ZFHX3: variants seen among roughly 807,000 people sequenced by gnomAD.
The protein encoded by ZFHX3 is zinc finger homeobox 3, also known as zinc finger homeobox protein 3.
Under a neutral mutation model 279.1 loss-of-function variants are expected in ZFHX3, and 42 were observed. The ratio of observed to expected loss-of-function variants is 0.15; its 90% CI spans 0.12 to 0.19. The LOEUF is 0.19. Among genes scored for constraint, ZFHX3 ranks in the 10% least tolerant of loss-of-function variants. The probability of loss-of-function intolerance (pLI) is 1.00; values close to 1 mark genes in which losing one functional copy is unlikely to be tolerated. For missense variants in ZFHX3, 4,981 were observed against 4,754.0 expected (o/e 1.05, Z -1.40); for synonymous variants, 2,293 against 1,957.8 (o/e 1.17, Z -4.52).
chr16:73,104,421 G>C (rs1216019082), intron 7 of ZFHX3, among the ~76,000 whole-genome samples: 1 of 152,082 alleles, frequency 6.6e-6, no homozygotes, highest in Non-Finnish European at 1.5e-5. Context: ...GGTAGAGACA[G>C]GGTTTCACCA....
rs753933468 is a variant in ZFHX3, at chr16:72,798,149, C to T, written c.4533G>A (p.Gly1511=). Residue 1511 remains glycine (G), a synonymous_variant, in exon 9 of 10, where the codon GGG becomes GGA. Coordinates refer to ENST00000268489, the MANE Select transcript of ZFHX3 (RefSeq NM_006885.4). ...CTGAGCCCGAGTCTTCTTGTACTGA[C>T]CCAGAGTCACTGCCCGTTGGGCTCT... ...DKQSPTGSDS[G]SVQEDSGSEP... is the part of the protein sequence containing the mutation. 5.0e-6 allele frequency: 8 copies of T among 1,614,084 alleles called. No homozygotes were observed. In the South Asian group the frequency reaches 6.6e-5, roughly 13 times the overall value.
intron 4 of ZFHX3, among the ~76,000 whole-genome samples, chr16:73,297,637 C>T (rs1377313594): frequency 6.6e-6 from 1 of 151,918 alleles, no homozygotes; most frequent in East Asian, 1.9e-4. Context: ...CCTGATACCT[C>T]ATGGACTTCT....
intron 2 of ZFHX3, among the ~76,000 whole-genome samples, chr16:73,519,555 T>C (rs1388997252): frequency 6.6e-6 from 1 of 152,158 alleles, no homozygotes; most frequent in Non-Finnish European, 1.5e-5. Context: ...TGGAATTTCT[T>C]TCCGTCCCAT....
rs562913696 is a variant in ZFHX3, at chr16:73,841,646, C to T, written c.-1608+50005G>A. On this transcript the variant is annotated intron_variant, in intron 1 of 17. Transcript: ENST00000641206. ...CTCCTCCCCAAGAGCTGAGATCCCT[C>T]CACCACCCATCCGGGAGCTCTCTTG... Among the ~76,000 whole-genome samples, 286 of 152,248 alleles carry T rather than the reference C, an allele frequency of 1.9e-3. 1 individual carries two copies. Among genetic ancestry groups the T allele is most frequent in the African/African-American group, 6.4e-3 (264 of 41,538 alleles).
At chr16:73,674,726 A>T (rs1401700132) in intron 2 of ZFHX3, among the ~76,000 whole-genome samples, 1 of 152,188 alleles carries the variant, frequency 6.6e-6, no homozygotes, top group Admixed American at 6.5e-5. Flanking sequence ...TCAGTCTCGA[A>T]AAGTGCTTAT....
chr16:73,286,750 T>C (rs1445949965), intron 4 of ZFHX3, among the ~76,000 whole-genome samples: 1 of 149,310 alleles, frequency 6.7e-6, no homozygotes, highest in African/African-American at 2.5e-5. Flanking sequence ...TGGGTTGGTG[T>C]GTGGCTAAGT....
In ZFHX3 at chr16:72,822,096, A is replaced by C. The variant is rs1035286376; in HGVS notation, c.3529+7683T>G. 2.6e-5 allele frequency: 4 copies of C among 152,358 alleles called. 1 individual carries two copies. 9.4% of individuals were successfully genotyped at this position (152,358 alleles called of 1,614,324 possible). ...CATGGATTTAATGTCTACAAAGCAG[A>C]AAGTAGAATAACTTGGACTTAAAGG... is the stretch of plus-strand genomic sequence containing the variant. On this transcript the variant is annotated intron_variant, in intron 5 of 9. Coordinates refer to ENST00000268489, the MANE Select transcript of ZFHX3 (RefSeq NM_006885.4).
At chr16:73,706,816 C>T (rs1241389905) in intron 1 of ZFHX3, among the ~76,000 whole-genome samples, 1 of 152,144 alleles carries the variant, frequency 6.6e-6, no homozygotes, top group Non-Finnish European at 1.5e-5. Context: ...CACCCAGAAC[C>T]CTGCTTCAAT....
At chr16:73,682,910 AAGAAAGAG>A (rs879630182) in intron 1 of ZFHX3, among the ~76,000 whole-genome samples, 25,227 of 59,880 alleles carry the variant, frequency 0.42, 5,264 homozygotes, top group East Asian at 0.72. Flanking sequence ...AAGAAAGAGA[AAGAAAGAG>A]AGAAAGAGAA....
intron 2 of ZFHX3, among the ~76,000 whole-genome samples, chr16:73,663,336 A>T (rs1449996651): frequency 6.6e-6 from 1 of 152,208 alleles, no homozygotes; most frequent in East Asian, 1.9e-4. Context: ...GCCCTTTAGC[A>T]GGTCACGATC....
At chr16:73,500,212 C>T (rs983922206) in intron 2 of ZFHX3, 1 of 152,264 alleles carries the variant, frequency 6.6e-6, no homozygotes, top group Non-Finnish European at 1.5e-5. Context: ...GAAGACCTTC[C>T]AGTGGGAGAA....
chr16:73,443,928 T>A (rs1567485938), intron 3 of ZFHX3, among the ~76,000 whole-genome samples: 1 of 152,052 alleles, frequency 6.6e-6, no homozygotes, highest in Non-Finnish European at 1.5e-5. Flanking sequence ...CTAATTTTTT[T>A]ATTTTCTTTA....
intron 3 of ZFHX3, among the ~76,000 whole-genome samples, chr16:73,357,011 C>G (rs182059462): frequency 2.1e-4 from 32 of 152,014 alleles, no homozygotes; most frequent in African/African-American, 7.2e-4. Context: ...AGTTACCCAG[C>G]AGAGCTCAGC....
chr16:73,789,095 T>C (rs1355440497), intron 1 of ZFHX3, among the ~76,000 whole-genome samples: 1 of 151,166 alleles, frequency 6.6e-6, no homozygotes, highest in Non-Finnish European at 1.5e-5. Context: ...AGACAACATA[T>C]ACAGATATCT....
chr16:73,597,840 CA>C (rs2052067579), intron 2 of ZFHX3, among the ~76,000 whole-genome samples: 1 of 152,212 alleles, frequency 6.6e-6, no homozygotes. Context: ...TGTAGTACAG[CA>C]AACCTGGGAA....
intron 4 of ZFHX3, among the ~76,000 whole-genome samples, chr16:73,280,085 G>C (rs1475365083): frequency 6.6e-6 from 1 of 152,124 alleles, no homozygotes; most frequent in Non-Finnish European, 1.5e-5. Flanking sequence ...GAATGAAATT[G>C]GACCCCTGTT....
intron 2 of ZFHX3, among the ~76,000 whole-genome samples, chr16:73,513,559 G>A (rs924808575): frequency 2.0e-5 from 3 of 152,120 alleles, no homozygotes; most frequent in African/African-American, 7.2e-5. Flanking sequence ...CCTCCCTCAA[G>A]GGCAGCCCAC....
chr16:72,998,392 C>A (rs954609497), intron 1 of ZFHX3, among the ~76,000 whole-genome samples: 5 of 152,122 alleles, frequency 3.3e-5, no homozygotes, highest in Non-Finnish European at 7.4e-5. Context: ...CAGACTGAGA[C>A]TCTGTCTCAA....
chr16:73,803,609 T>G (rs2063507), intron 1 of ZFHX3, among the ~76,000 whole-genome samples: 2 of 152,216 alleles, frequency 1.3e-5, no homozygotes, highest in South Asian at 4.1e-4. Flanking sequence ...TTGAATGTTA[T>G]GTTTGAAAAA....
Sources: allele counts gnomAD v4.1 joint callset (sites outside exome capture counted in the v4.1 genomes callset), GRCh38; gene constraint gnomAD v4.1.1; transcripts MANE v1.5; gene names NCBI Gene and HGNC (gene_info 2026-07-23, HGNC 2026-07-21).